Variants in RBFOX1 observed in about 807,000 individuals in gnomAD.
RBFOX1 encodes the protein RNA binding fox-1 homolog 1, also known as RNA binding protein fox-1 homolog 1.
Under a neutral mutation model 57.7 loss-of-function variants are expected in RBFOX1, and 8 were observed. The ratio of observed to expected loss-of-function variants is 0.14; its 90% confidence interval spans 0.08 to 0.25. The LOEUF (loss-of-function observed/expected upper bound fraction) is 0.25. RBFOX1 is among the 10% of genes least tolerant of loss of function. The probability of loss-of-function intolerance (pLI) is 1.00; values close to 1 mark genes in which losing one functional copy is unlikely to be tolerated. For synonymous variants in RBFOX1, 326 were observed against 222.4 expected (o/e 1.47, Z -4.15); for missense variants, 611 against 548.5 (o/e 1.11, Z -1.14).
At chr16:6,282,108 C>G (rs2076439660) in intron 1 of RBFOX1, among the ~76,000 whole-genome samples, 1 of 152,112 alleles carries the variant, frequency 6.6e-6, no homozygotes, top group African/African-American at 2.4e-5. Context: ...AAAGGTATCA[C>G]CTCTAAGTTT....
intron 4 of RBFOX1, among the ~76,000 whole-genome samples, chr16:7,339,809 GA>G (rs951547097): frequency 1.7e-4 from 26 of 152,052 alleles, no homozygotes; most frequent in Admixed American, 6.6e-4. Context: ...GTTAAAGGGG[GA>G]AAAAAAGCAT....
chr16:7,289,794 T>G (rs2095728253), intron 4 of RBFOX1, among the ~76,000 whole-genome samples: 6 of 152,210 alleles, frequency 3.9e-5, no homozygotes, highest in Admixed American at 3.9e-4. Context: ...ATAAAAATAT[T>G]AGTGCTTGTC....
chr16:6,256,245 A>ATATATATATG (rs2097664994), intron 1 of RBFOX1, among the ~76,000 whole-genome samples: 1 of 79,494 alleles, frequency 1.3e-5, no homozygotes, highest in Non-Finnish European at 2.3e-5. Context: ...GTATATATAT[A>ATATATATATG]TGTATATATA....
At chr16:6,153,332 C>T (rs2096813498) in intron 1 of RBFOX1, among the ~76,000 whole-genome samples, 1 of 152,132 alleles carries the variant, frequency 6.6e-6, no homozygotes, top group African/African-American at 2.4e-5. Context: ...AAACAAAAAA[C>T]AAAACCATTT....
intron 3 of RBFOX1, among the ~76,000 whole-genome samples, chr16:6,664,783 A>T (rs1163563160): frequency 6.6e-6 from 1 of 151,854 alleles, no homozygotes; most frequent in Non-Finnish European, 1.5e-5. Context: ...AGTTTTGTTC[A>T]CTCCTCCTAA....
At chr16:5,972,155 A>G (rs2059973502) in intron 4 of RBFOX1, among the ~76,000 whole-genome samples, 1 of 152,224 alleles carries the variant, frequency 6.6e-6, no homozygotes, top group African/African-American at 2.4e-5. Context: ...CTTGGTCTCC[A>G]TAATTGTGTG....
At chr16:7,680,526 T>C (rs991444936) in intron 14 of RBFOX1, among the ~76,000 whole-genome samples, 3 of 152,270 alleles carry the variant, frequency 2.0e-5, no homozygotes, top group Non-Finnish European at 2.9e-5. Flanking sequence ...CACTCAGATT[T>C]CATCACAGTC....
chr16:6,960,169 C>T (rs980171801), intron 3 of RBFOX1, among the ~76,000 whole-genome samples: 1 of 152,028 alleles, frequency 6.6e-6, no homozygotes, highest in Non-Finnish European at 1.5e-5. Context: ...AAGGAACTCC[C>T]CACACCTCCA....
At chr16:7,246,642 T>G (rs1486215038) in intron 4 of RBFOX1, among the ~76,000 whole-genome samples, 2 of 150,152 alleles carry the variant, frequency 1.3e-5, no homozygotes, top group Non-Finnish European at 3.0e-5. Flanking sequence ...CCTTTTTTTT[T>G]TTTTTTTTTT....
Position 6,922,103 on chromosome 16 carries a change from T to G in RBFOX1, c.-15-129954T>G, listed in dbSNP as rs147574889. 1.2e-3 allele frequency among the ~76,000 whole-genome samples: 186 copies of G among 152,258 alleles called. 2 individuals are homozygous for G. The East Asian group carries it at 0.016, about 13-fold the overall frequency. ...TGCCCAGATTTTAGCATCTACAACT[T>G]TCTTCACACAGGCTGTTCCCTGTGC... On this transcript the variant is annotated intron_variant, in intron 3 of 15. Transcript: ENST00000550418.
intron 3 of RBFOX1, among the ~76,000 whole-genome samples, chr16:6,935,687 G>A (rs764530524): frequency 1.1e-4 from 17 of 152,194 alleles, no homozygotes; most frequent in Non-Finnish European, 1.3e-4. Context: ...TTCAAAGGGT[G>A]ATTAGGAGGT....
At chr16:7,163,465 T>C (rs966373613) in intron 4 of RBFOX1, among the ~76,000 whole-genome samples, 3 of 152,068 alleles carry the variant, frequency 2.0e-5, no homozygotes, top group Admixed American at 1.3e-4. Flanking sequence ...ACTGACATCC[T>C]TCACCCTCTG....
intron 1 of RBFOX1, among the ~76,000 whole-genome samples, chr16:6,208,418 G>T (rs1327874269): frequency 1.4e-4 from 1 of 7,218 alleles, no homozygotes; most frequent in Non-Finnish European, 0.015. Flanking sequence ...CAGCAAGCAT[G>T]TGCTTAGTGT....
At chr16:7,386,140 G>A (rs989897884) in intron 4 of RBFOX1, among the ~76,000 whole-genome samples, 2 of 151,862 alleles carry the variant, frequency 1.3e-5, no homozygotes, top group Non-Finnish European at 2.9e-5. Flanking sequence ...GGACTCTTGG[G>A]TTTGAGATCC....
At chr16:5,945,275 G>A (rs1343925823) in intron 4 of RBFOX1, among the ~76,000 whole-genome samples, 1 of 152,120 alleles carries the variant, frequency 6.6e-6, no homozygotes, top group African/African-American at 2.4e-5. Context: ...GCAGACACGA[G>A]GACCCACACA....
intron 2 of RBFOX1, among the ~76,000 whole-genome samples, chr16:5,497,285 C>T (rs890140265): frequency 6.6e-6 from 1 of 151,342 alleles, no homozygotes; most frequent in Non-Finnish European, 1.5e-5. Context: ...ACAAGCACTT[C>T]TCTCATCATG....
chr16:6,255,538 A>G (rs1168075995), intron 1 of RBFOX1, among the ~76,000 whole-genome samples: 8 of 152,140 alleles, frequency 5.3e-5, no homozygotes, highest in Non-Finnish European at 8.8e-5. Context: ...CCTCATACAA[A>G]TGGATACAGG....
chr16:7,336,545 G>A (rs749841422), intron 4 of RBFOX1, among the ~76,000 whole-genome samples: 5 of 152,216 alleles, frequency 3.3e-5, no homozygotes, highest in Admixed American at 3.3e-4. Flanking sequence ...TAACAAAAGT[G>A]ACAGTCATAG....
intron 3 of RBFOX1, among the ~76,000 whole-genome samples, chr16:6,973,141 T>C (rs1356453321): frequency 7.6e-6 from 1 of 131,712 alleles, no homozygotes; most frequent in Admixed American, 8.8e-5. Flanking sequence ...CTAAATAAAT[T>C]AAAAATTTAA....
Sources: allele counts gnomAD v4.1 joint callset (sites outside exome capture counted in the v4.1 genomes callset), GRCh38; gene constraint gnomAD v4.1.1; transcripts MANE v1.5; gene names NCBI Gene and HGNC (gene_info 2026-07-23, HGNC 2026-07-21).